The following TLL1 variants were observed in gnomAD, a reference collection of about 807,000 sequenced individuals.
The protein encoded by TLL1 is tolloid like 1.
TLL1 carries 49 observed loss-of-function variants against 128.2 expected under a neutral mutation model. The ratio of observed to expected loss-of-function variants is 0.38; its 90% CI spans 0.30 to 0.48. TLL1 has a LOEUF of 0.48. Ranked by LOEUF, TLL1 falls within the 20% of genes least tolerant of loss-of-function variation. The pLI is 0.96. For missense variants in TLL1, 1,123 were observed against 1,242.0 expected (o/e 0.90, Z 1.44); for synonymous variants, 454 against 418.8 (o/e 1.08, Z -1.03).
chr4:166,065,900 A>G (rs748260698), intron 16 of TLL1, 37 bp downstream of exon 16: 1 of 1,337,344 alleles, frequency 7.5e-7, no homozygotes, highest in Non-Finnish European at 9.7e-7. Context: ...TATATTACAG[A>G]TTTTCAATGT....
At chr4:165,974,718 T>A (rs2110984497) in intron 1 of TLL1, among the ~76,000 whole-genome samples, 1 of 152,284 alleles carries the variant, frequency 6.6e-6, no homozygotes, top group African/African-American at 2.4e-5. Flanking sequence ...ATTTAATAAT[T>A]ATACTTATAT....
intron 12 of TLL1, among the ~76,000 whole-genome samples, chr4:166,047,199 G>GT (rs1243332241): frequency 6.6e-6 from 1 of 150,432 alleles, no homozygotes; most frequent in African/African-American, 2.4e-5. Flanking sequence ...GTCTTGCTCT[G>GT]TTTCGCCCAG....
At chr4:165,970,525 CT>C (rs1185609041) in intron 1 of TLL1, among the ~76,000 whole-genome samples, 1 of 152,060 alleles carries the variant, frequency 6.6e-6, no homozygotes, top group African/African-American at 2.4e-5. Context: ...GGGTTAAAAC[CT>C]TCTTTCTTCA....
At chr4:166,032,844 G>A (rs965230010) in intron 9 of TLL1, among the ~76,000 whole-genome samples, 6 of 152,076 alleles carry the variant, frequency 3.9e-5, no homozygotes, top group African/African-American at 1.4e-4. Flanking sequence ...AACACATAAG[G>A]ATGAGGGACC....
chr4:165,988,065 A>T (rs559079317), intron 1 of TLL1, among the ~76,000 whole-genome samples: 3 of 152,224 alleles, frequency 2.0e-5, no homozygotes, highest in African/African-American at 7.2e-5. Context: ...CTACTGTCTC[A>T]TGATTAATTT....
rs77918825 is a variant in TLL1 at position 165,961,028 on chromosome 4, T to C, written c.170-28353T>C. ...CATCTAAGTAGGAAATGAAGTGAAG[T>C]TATGTCTCTTCACTGGCAATATGAT... On this transcript the variant is annotated intron_variant, in intron 1 of 20. Coordinates refer to ENST00000061240, the MANE Select transcript of TLL1 (RefSeq NM_012464.5). Among the ~76,000 whole-genome samples, 792 of 152,136 alleles carry C rather than the reference T, an allele frequency of 5.2e-3. 12 individuals are homozygous for C. Among genetic ancestry groups the C allele is most frequent in the African/African-American group, 0.018 (737 of 41,534 alleles).
At chr4:165,959,281 G>C (rs1734974142) in intron 1 of TLL1, among the ~76,000 whole-genome samples, 1 of 152,056 alleles carries the variant, frequency 6.6e-6, no homozygotes, top group Non-Finnish European at 1.5e-5. Flanking sequence ...GGATGGCATT[G>C]AATCTATAAA....
chr4:166,057,248 C>A lies in TLL1; in HGVS notation c.1785C>A (p.Gly595=). The A allele has an allele frequency of 6.2e-7, 1 of 1,613,980 alleles. No homozygotes were observed. The highest frequency in any genetic ancestry group is 1.7e-5 in the Admixed American group (1 of 59,986). Residue 595 remains glycine, a synonymous_variant, in exon 14 of 21, where the codon GGC becomes GGA. Coordinates refer to ENST00000061240, the MANE Select transcript of TLL1 (RefSeq NM_012464.5). ...AGCAGCGATGTCTGAACACTCTGGGCAGTTACCAGTGTGCCTGTGAGCCTG... is the reference window on the plus strand; with the variant it reads ...AGCAGCGATGTCTGAACACTCTGGGAAGTTACCAGTGTGCCTGTGAGCCTG... ...GCEQRCLNTL[G]SYQCACEPGY...
intron 1 of TLL1, among the ~76,000 whole-genome samples, chr4:165,883,286 C>T (rs1299138161): frequency 6.6e-6 from 1 of 152,256 alleles, no homozygotes; most frequent in Non-Finnish European, 1.5e-5. Flanking sequence ...CATGAGCTGC[C>T]ATGGTCTGCC....
At chr4:165,939,910 C>T (rs898213314) in intron 1 of TLL1, among the ~76,000 whole-genome samples, 5 of 151,970 alleles carry the variant, frequency 3.3e-5, no homozygotes, top group Non-Finnish European at 7.4e-5. Flanking sequence ...TTGTAGCATT[C>T]GACACACGTA....
chr4:166,046,866 A>G (rs532881375), intron 12 of TLL1, among the ~76,000 whole-genome samples: 1 of 152,298 alleles, frequency 6.6e-6, no homozygotes, highest in African/African-American at 2.4e-5. Flanking sequence ...ATTCCGAGCA[A>G]CTTAATAGAA....
chr4:165,912,307 T>A (rs1310276503), intron 1 of TLL1, among the ~76,000 whole-genome samples: 1 of 152,262 alleles, frequency 6.6e-6, no homozygotes, highest in African/African-American at 2.4e-5. Flanking sequence ...CCAGCTTGAG[T>A]GTCTGACTTC....
At chr4:165,915,690 C>G (rs1163427148) in intron 1 of TLL1, among the ~76,000 whole-genome samples, 1 of 152,116 alleles carries the variant, frequency 6.6e-6, no homozygotes, top group Non-Finnish European at 1.5e-5. Context: ...TCAAAGGGTA[C>G]AGCTTATGTT....
chr4:165,874,124 GGGTTTCCCAT>G (rs1413865315), intron 1 of TLL1, 51 bp downstream of exon 1: 3 of 1,610,754 alleles, frequency 1.9e-6, no homozygotes, highest in Non-Finnish European at 2.5e-6. Flanking sequence ...CCGCTGCGCT[GGGTTTCCCAT>G]GGGTGGCGGT....
intron 1 of TLL1, among the ~76,000 whole-genome samples, chr4:165,936,622 C>T (rs1733775598): frequency 6.6e-6 from 1 of 151,980 alleles, no homozygotes; most frequent in Non-Finnish European, 1.5e-5. Context: ...CTGGTATCGG[C>T]GTTTTACAAC....
At position 166,099,394 on chromosome 4, in the gene TLL1, G is replaced by A. The variant is rs374471706; in HGVS notation, c.2774G>A (p.Arg925Gln). Residue 925 changes from arginine to glutamine, a missense_variant, in exon 20 of 21, where the codon CGG (arginine) becomes CAG (glutamine). This residue lies in a region of TLL1 where 634 missense variants were observed against 672.4 expected (regional missense o/e 0.94). Coordinates refer to ENST00000061240, the MANE Select transcript of TLL1 (RefSeq NM_012464.5). Reference sequence around the variant, plus strand: ...TGTGAATGGCTATTAGTATCAGAACGGGGCTCTCGACTTGAATTATCCTTC... The same window carrying A: ...TGTGAATGGCTATTAGTATCAGAACAGGGCTCTCGACTTGAATTATCCTTC... ...VDCEWLLVSERGSRLELSFQT... is the reference protein window; with the variant it reads ...VDCEWLLVSEQGSRLELSFQT... The A allele has an allele frequency of 2.0e-5, 32 of 1,613,414 alleles. No individual in the cohort carries two copies. Among genetic ancestry groups the A allele is most frequent in the African/African-American group, 9.4e-5 (7 of 74,850 alleles).
At chr4:165,902,681 T>G (rs76635559) in intron 1 of TLL1, among the ~76,000 whole-genome samples, 1,791 of 152,272 alleles carry the variant, frequency 0.012, 32 homozygotes, top group African/African-American at 0.04. Flanking sequence ...GCATTGATCT[T>G]GCTGGGAGCT....
rs567487171 is a variant in TLL1 at position 166,003,919 on chromosome 4, TTTATG to T, written c.811+355_811+359del. ...GCATTTTTTGTACTTAGTTCTATAA[TTTATG>T]TTATAAGGATTTTAAAAAGGCCTGG... is the stretch of plus-strand genomic sequence containing the variant. On this transcript the variant is annotated intron_variant, in intron 6 of 20. Transcript: ENST00000061240. Among the ~76,000 whole-genome samples, 56 of 152,186 alleles carry T rather than the reference TTTATG, an allele frequency of 3.7e-4. 1 individual carries two copies. The highest frequency in any genetic ancestry group is 3.3e-3 in the Admixed American group (51 of 15,254).
At chr4:165,977,336 T>C (rs940951067) in intron 1 of TLL1, among the ~76,000 whole-genome samples, 1 of 152,138 alleles carries the variant, frequency 6.6e-6, no homozygotes, top group Non-Finnish European at 1.5e-5. Context: ...AATGTTTGAC[T>C]GTTCCTCCTG....
Sources: gnomAD v4.1 joint callset for allele counts (sites outside exome capture counted in the v4.1 genomes callset) on GRCh38, gnomAD v4.1.1 for gene constraint, gnomAD v4.1.1 regional missense constraint, MANE v1.5 for transcripts, NCBI Gene and HGNC (gene_info 2026-07-23, HGNC 2026-07-21) for gene names.